Variants in BRWD3 observed in about 807,000 individuals in gnomAD.
BRWD3 encodes the protein bromodomain and WD repeat-containing protein 3.
BRWD3 carries 10 observed loss-of-function variants against 149.7 expected under a neutral mutation model. That is an observed-to-expected ratio of 0.07 (90% CI 0.04 to 0.11). The LOEUF is 0.11. BRWD3 is among the 10% of genes least tolerant of loss of function. The pLI, the probability that BRWD3 is intolerant of heterozygous loss-of-function variation, is 1.00. For synonymous variants in BRWD3, 504 were observed against 456.7 expected, an observed-to-expected ratio of 1.10 and a Z score of -1.32; for missense variants, 940 against 1,373.2, an observed-to-expected ratio of 0.68 and a Z score of 4.99.
At chrX:80,751,360 G>A (rs1345439459) in intron 6 of BRWD3, among the ~76,000 whole-genome samples, 1 of 111,123 alleles carries the variant, frequency 9.0e-6, no homozygotes, top group Non-Finnish European at 1.9e-5. Context: ...TGTACGCCTT[G>A]AATATACAAA....
intron 6 of BRWD3, among the ~76,000 whole-genome samples, chrX:80,777,702 ATTT>A (rs994796486): frequency 1.8e-5 from 2 of 111,762 alleles, no homozygotes; most frequent in Non-Finnish European, 3.8e-5. Context: ...CCGGCCTCTG[ATTT>A]TTTTAATACA....
In BRWD3 at chrX:80,693,071, T is replaced by A; in HGVS notation, c.3152-20A>T. 1 of 1,121,865 alleles carries A rather than the reference T, an allele frequency of 8.9e-7. No homozygotes were observed. Among genetic ancestry groups the A allele is most frequent in the Non-Finnish European group, 1.2e-6 (1 of 813,269 alleles). The allele number at this position is 1,121,865 out of a possible 1,213,427, so 92.5% of individuals were successfully genotyped here. A position where few individuals can be genotyped will look rare whatever the true frequency, so the allele number is the denominator to read the frequency against. ...TATCACCTATAATGTTTTAAAATTC[T>A]TAAAAGGATGCTCTTGAGAATATTA... On this transcript the variant is annotated intron_variant, in intron 27 of 40. Transcript: ENST00000373275.
chrX:80,772,376 C>T (rs2073954048), intron 6 of BRWD3, among the ~76,000 whole-genome samples: 1 of 111,088 alleles, frequency 9.0e-6, no homozygotes, highest in African/African-American at 3.3e-5. Flanking sequence ...GGACAGAAAA[C>T]CGAACACCGC....
At chrX:80,805,905 A>G (rs773053188) in intron 4 of BRWD3, among the ~76,000 whole-genome samples, 4 of 111,890 alleles carry the variant, frequency 3.6e-5, no homozygotes, top group African/African-American at 1.3e-4. Flanking sequence ...ACTGCACTCC[A>G]GCCTGGCAAT....
At position 80,755,751 on chromosome X, in the gene BRWD3, G is replaced by C. The variant is rs2073729628; in HGVS notation, c.431-10022C>G. Among the ~76,000 whole-genome samples the C allele has an allele frequency of 2.7e-5, 3 of 111,645 alleles. No individual in the cohort carries two copies. The South Asian group carries it at 1.1e-3, about 41-fold the overall frequency. Reference sequence around the variant, plus strand: ...CTACAAGTCCAGTATCAAGGGAATGGTTACGTATTAAATTATGGAATATTT... The same window carrying C: ...CTACAAGTCCAGTATCAAGGGAATGCTTACGTATTAAATTATGGAATATTT... On this transcript the variant is annotated intron_variant, in intron 6 of 40. Coordinates refer to ENST00000373275, the MANE Select transcript of BRWD3 (RefSeq NM_153252.5).
chrX:80,758,480 G>T (rs1392410331), intron 6 of BRWD3, among the ~76,000 whole-genome samples: 1 of 111,483 alleles, frequency 9.0e-6, no homozygotes, highest in Non-Finnish European at 1.9e-5. Context: ...AATGGCAGAT[G>T]GCCATTCCGA....
At position 80,670,845 on chromosome X, in the gene BRWD3, T is replaced by A. The variant is rs1487155843; in HGVS notation, c.*5764A>T. The stretch of plus-strand genomic sequence containing the variant: ...TTCAATCTCTGAATATTGTAAAAAA[T>A]CAGTCTACTTTTTTCCTAAATGCAT... On this transcript the variant is annotated 3_prime_UTR_variant, in exon 41 of 41. Transcript: ENST00000373275. The A allele has an allele frequency of 9.0e-6, 1 of 111,529 alleles. No individual in the cohort carries two copies. Among genetic ancestry groups the A allele is most frequent in the Non-Finnish European group, 1.9e-5 (1 of 53,144 alleles). 9.2% of individuals were successfully genotyped at this position (111,529 alleles called of 1,213,427 possible).
In BRWD3 at chrX:80,728,956, T is replaced by A. The variant is rs768671244; in HGVS notation, c.1233-51A>T. 6.4e-6 allele frequency: 7 copies of A among 1,101,365 alleles called. No homozygotes were observed. In the African/African-American group the frequency reaches 1.3e-4, roughly 20 times the overall value. The allele number at this position is 1,101,365 out of a possible 1,213,427, so 90.8% of individuals were successfully genotyped here. A position where few individuals can be genotyped will look rare whatever the true frequency, so the allele number is the denominator to read the frequency against. ...ATATCTTATAAATTTTTGACAAAGG[T>A]GCATGTTAAATAGCAAATTATGACA... On this transcript the variant is annotated intron_variant, in intron 13 of 40. Coordinates refer to ENST00000373275, the MANE Select transcript of BRWD3 (RefSeq NM_153252.5).
At chrX:80,730,106 A>AGTAGTATGTGAGGG in intron 12 of BRWD3, 86 bp from the exon 13 acceptor site, 2 of 602,592 alleles carry the variant, frequency 3.3e-6, no homozygotes, top group Non-Finnish European at 5.5e-6. Flanking sequence ...ATTAGCCCTC[A>AGTAGTATGTGAGGG]CATACTACTG....
intron 37 of BRWD3, 60 bp from the exon 38 acceptor site, chrX:80,682,688 C>G: frequency 9.4e-7 from 1 of 1,063,534 alleles, no homozygotes; most frequent in South Asian, 2.0e-5. Context: ...AAGGTATAAA[C>G]ATGCCTAGAC....
At chrX:80,711,981 C>G (rs906929750) in intron 20 of BRWD3, among the ~76,000 whole-genome samples, 4 of 111,921 alleles carry the variant, frequency 3.6e-5, no homozygotes, top group African/African-American at 1.3e-4. Context: ...ATGTATGGCT[C>G]AGAATAAATC....
At chrX:80,723,607 AC>A in intron 16 of BRWD3, 140 bp downstream of exon 16, 2 of 623,072 alleles carry the variant, frequency 3.2e-6, no homozygotes, top group Non-Finnish European at 4.9e-6. Context: ...ACAATTGAGA[AC>A]CTTTACTAAG....
At chrX:80,678,708 C>T (rs2072402814) in intron 40 of BRWD3, among the ~76,000 whole-genome samples, 1 of 110,662 alleles carries the variant, frequency 9.0e-6, no homozygotes, top group Admixed American at 9.7e-5. Context: ...GAGGACCAGC[C>T]AGTGGGGTCG....
At chrX:80,695,571 A>G (rs1257526850) in intron 27 of BRWD3, among the ~76,000 whole-genome samples, 1 of 111,779 alleles carries the variant, frequency 8.9e-6, no homozygotes, top group Non-Finnish European at 1.9e-5. Flanking sequence ...ACAAGGATGG[A>G]GGAAGGAAAA....
chrX:80,713,380 T>G (rs1285974139), intron 20 of BRWD3, among the ~76,000 whole-genome samples: 1 of 112,443 alleles, frequency 8.9e-6, no homozygotes, highest in East Asian at 2.8e-4. Flanking sequence ...CCTGTTGATC[T>G]ATGACCTTAA....
At chrX:80,693,471 T>G (rs1481393844) in intron 27 of BRWD3, among the ~76,000 whole-genome samples, 2 of 112,150 alleles carry the variant, frequency 1.8e-5, no homozygotes, top group African/African-American at 6.5e-5. Flanking sequence ...TCAAGGAAGA[T>G]GTAGGAAAGT....
chrX:80,713,018 G>C (rs1471418864), intron 20 of BRWD3, among the ~76,000 whole-genome samples: 1 of 109,033 alleles, frequency 9.2e-6, no homozygotes, highest in Non-Finnish European at 1.9e-5. Context: ...GGAGGGAGGT[G>C]GGGGGGCCAG....
chrX:80,713,079 C>A (rs947050213), intron 20 of BRWD3, among the ~76,000 whole-genome samples: 4 of 107,542 alleles, frequency 3.7e-5, no homozygotes, highest in Non-Finnish European at 7.7e-5. Flanking sequence ...GGGGGTCAGC[C>A]CCCTGCCCGG....
At chrX:80,695,752 A>G (rs2072680835) in intron 27 of BRWD3, among the ~76,000 whole-genome samples, 156 bp downstream of exon 27, 1 of 112,301 alleles carries the variant, frequency 8.9e-6, no homozygotes, top group Non-Finnish European at 1.9e-5. Flanking sequence ...TGTGCATAAG[A>G]AATAACTAAA....
Sources: allele counts gnomAD v4.1 joint callset (sites outside exome capture counted in the v4.1 genomes callset), GRCh38; gene constraint gnomAD v4.1.1; transcripts MANE v1.5; gene names NCBI Gene and HGNC (gene_info 2026-07-23, HGNC 2026-07-21).